The following FER1L6 variants were observed in gnomAD, a reference collection of about 807,000 sequenced individuals.
FER1L6 encodes fer-1-like protein 6.
FER1L6 carries 177 observed loss-of-function variants against 219.2 expected under a neutral mutation model. The ratio of observed to expected loss-of-function variants is 0.81; its 90% CI spans 0.71 to 0.91. The LOEUF is 0.91. Among genes scored for constraint, FER1L6 ranks in the 40% least tolerant of loss-of-function variants. The pLI, the probability that FER1L6 is intolerant of heterozygous loss-of-function variation, is 0.00. For synonymous variants in FER1L6, 768 were observed against 824.3 expected, an observed-to-expected ratio of 0.93 and a Z score of 1.17; for missense variants, 2,153 against 2,259.9, an observed-to-expected ratio of 0.95 and a Z score of 0.96.
intron 1 of FER1L6, among the ~76,000 whole-genome samples, chr8:123,926,387 C>T (rs1813561994): frequency 6.6e-6 from 1 of 152,188 alleles, no homozygotes; most frequent in South Asian, 2.1e-4. Context: ...CATGCAGTTT[C>T]CCCAGGCCAG....
At chr8:123,976,451 G>C (rs1816076870) in intron 9 of FER1L6, among the ~76,000 whole-genome samples, 1 of 151,956 alleles carries the variant, frequency 6.6e-6, no homozygotes, top group African/African-American at 2.4e-5. Flanking sequence ...GGAGGTTGCA[G>C]TGAGCAGAGA....
intron 1 of FER1L6, among the ~76,000 whole-genome samples, chr8:123,891,285 A>ATATTC (rs1812644773): frequency 6.6e-6 from 1 of 152,194 alleles, no homozygotes; most frequent in South Asian, 2.1e-4. Flanking sequence ...ATGTGCGATG[A>ATATTC]TATTCTTTTA....
At chr8:124,030,875 C>A (rs1563754387) in intron 18 of FER1L6, among the ~76,000 whole-genome samples, 1 of 152,250 alleles carries the variant, frequency 6.6e-6, no homozygotes, top group Middle Eastern at 3.4e-3. Context: ...CTTGCCAAGA[C>A]TTCCTCTTCC....
At chr8:123,918,838 T>C (rs946344644) in intron 1 of FER1L6, among the ~76,000 whole-genome samples, 2 of 152,156 alleles carry the variant, frequency 1.3e-5, no homozygotes, top group African/African-American at 4.8e-5. Context: ...AAAGGCGAAG[T>C]TTGGGGCTGG....
At chr8:123,855,964 G>GATATACATATGTATATGAGATATGTGT (rs1816631685) in intron 1 of FER1L6, among the ~76,000 whole-genome samples, 2 of 140,166 alleles carry the variant, frequency 1.4e-5, no homozygotes, top group South Asian at 4.4e-4. Context: ...ATATATTACA[G>GATATACATATGTATATGAGATATGTGT]ATATACATAT....
At chr8:124,049,057 TTTTTC>T (rs2130775370) in intron 21 of FER1L6, among the ~76,000 whole-genome samples, 1 of 152,174 alleles carries the variant, frequency 6.6e-6, no homozygotes, top group African/African-American at 2.4e-5. Context: ...TTTTTTTTCT[TTTTTC>T]TTTTTTTGAG....
chr8:123,906,808 GAAA>G (rs11350871), intron 1 of FER1L6, among the ~76,000 whole-genome samples: 107 of 137,212 alleles, frequency 7.8e-4, no homozygotes, highest in South Asian at 2.2e-3. Context: ...ATCTCCGGAA[GAAA>G]AAAAAAAAAA....
chr8:123,946,570 G>C (rs1354245139), intron 1 of FER1L6, among the ~76,000 whole-genome samples: 3 of 152,092 alleles, frequency 2.0e-5, no homozygotes, highest in Admixed American at 2.0e-4. Flanking sequence ...GGTTGGTTTT[G>C]ATTAGTGGTT....
intron 32 of FER1L6, among the ~76,000 whole-genome samples, chr8:124,080,261 G>A (rs1167706569): frequency 2.0e-5 from 3 of 151,970 alleles, no homozygotes; most frequent in East Asian, 1.9e-4. Flanking sequence ...GACACAAGTT[G>A]GTATAAGGCT....
intron 1 of FER1L6, among the ~76,000 whole-genome samples, chr8:123,923,160 C>G (rs1367268838): frequency 6.6e-6 from 1 of 152,174 alleles, no homozygotes; most frequent in Non-Finnish European, 1.5e-5. Flanking sequence ...ACCAACTCCT[C>G]CAAGGGTTCC....
At position 123,975,323 on chromosome 8, in the gene FER1L6, C is replaced by T; in HGVS notation, c.683+17C>T. 6.3e-7 allele frequency: 1 copy of T among 1,589,070 alleles called. No homozygotes were observed. Among genetic ancestry groups the T allele is most frequent in the Non-Finnish European group, 8.6e-7 (1 of 1,165,440 alleles). On this transcript the variant is annotated intron_variant, in intron 8 of 40. Coordinates refer to ENST00000522917, the MANE Select transcript of FER1L6 (RefSeq NM_001039112.2). ...AATAGAAAAGTAAGACAGGTCCATC[C>T]TGGGTTGTGCATAGAAATGATATGT...
intron 15 of FER1L6, chr8:124,015,920 T>C (rs1818182206): frequency 6.6e-6 from 1 of 152,616 alleles, no homozygotes; most frequent in Non-Finnish European, 1.5e-5. Flanking sequence ...AAACTGTTCA[T>C]GGCCAAGCAG....
intron 32 of FER1L6, among the ~76,000 whole-genome samples, chr8:124,079,311 T>C (rs902917298): frequency 6.6e-6 from 1 of 152,230 alleles, no homozygotes; most frequent in African/African-American, 2.4e-5. Context: ...GGAGACACAA[T>C]TCAACCCATA....
intron 1 of FER1L6, among the ~76,000 whole-genome samples, chr8:123,937,234 T>G (rs1397853406): frequency 6.6e-6 from 1 of 152,236 alleles, no homozygotes; most frequent in Non-Finnish European, 1.5e-5. Flanking sequence ...TAATGCTCAC[T>G]CTATCCTAAT....
intron 31 of FER1L6, among the ~76,000 whole-genome samples, chr8:124,075,374 GATC>G (rs1821237698): frequency 1.3e-5 from 2 of 152,090 alleles, no homozygotes; most frequent in South Asian, 4.2e-4. Context: ...ACAGGGTCAG[GATC>G]ATCAATATCA....
intron 12 of FER1L6, among the ~76,000 whole-genome samples, chr8:123,998,210 T>A (rs1175173000): frequency 6.6e-6 from 1 of 152,190 alleles, no homozygotes; most frequent in Non-Finnish European, 1.5e-5. Context: ...CTTTGGTTAC[T>A]GAAGTTGCAT....
intron 1 of FER1L6, among the ~76,000 whole-genome samples, chr8:123,947,855 A>C (rs555012025): frequency 6.6e-6 from 1 of 152,200 alleles, no homozygotes; most frequent in African/African-American, 2.4e-5. Flanking sequence ...GAGGCAGTTG[A>C]GTTGGGCCTA....
intron 25 of FER1L6, among the ~76,000 whole-genome samples, chr8:124,062,678 T>C (rs1304335608): frequency 1.3e-5 from 2 of 152,200 alleles, no homozygotes; most frequent in African/African-American, 2.4e-5. Flanking sequence ...ATTAGACCCA[T>C]TGACTACCTC....
intron 1 of FER1L6, among the ~76,000 whole-genome samples, chr8:123,879,848 G>T (rs1019432620): frequency 6.6e-5 from 10 of 152,160 alleles, no homozygotes; most frequent in African/African-American, 2.2e-4. Context: ...GGGAGCACAT[G>T]TTGCTGGGCA....
Sources: allele counts gnomAD v4.1 joint callset (sites outside exome capture counted in the v4.1 genomes callset), GRCh38; gene constraint gnomAD v4.1.1; transcripts MANE v1.5; gene names NCBI Gene and HGNC (gene_info 2026-07-23, HGNC 2026-07-21).